DCST1: variants seen among roughly 807,000 people sequenced by gnomAD.
DCST1 encodes DC-STAMP domain containing 1, also known as E3 ubiquitin-protein ligase DCST1.
DCST1 carries 78 observed loss-of-function variants against 89.1 expected under a neutral mutation model. The ratio of observed to expected loss-of-function variants is 0.88; its 90% CI spans 0.73 to 1.06. The LOEUF is 1.06. Ranked by LOEUF, DCST1 falls within the 50% of genes least tolerant of loss-of-function variation. The probability of loss-of-function intolerance (pLI) is 0.00; values close to 1 mark genes in which losing one functional copy is unlikely to be tolerated. For missense variants in DCST1, 900 were observed against 928.6 expected (o/e 0.97, Z 0.40); for synonymous variants, 364 against 371.9 (o/e 0.98, Z 0.24).
intron 16 of DCST1, 100 bp downstream of exon 16, chr1:155,048,270 C>T (rs1431487235): frequency 1.5e-5 from 14 of 908,734 alleles, no homozygotes; most frequent in East Asian, 1.5e-4. Flanking sequence ...CACCAATGGT[C>T]GCAGGCCTAC....
At chr1:155,048,579 C>T (rs1201445037) in intron 16 of DCST1, among the ~76,000 whole-genome samples, 5 of 152,124 alleles carry the variant, frequency 3.3e-5, no homozygotes, top group Non-Finnish European at 2.9e-5. Context: ...GGATTACAGG[C>T]GTGAGCCACC....
At chr1:155,036,960 C>A (rs989405428) in intron 4 of DCST1, among the ~76,000 whole-genome samples, 9 of 152,254 alleles carry the variant, frequency 5.9e-5, no homozygotes, top group African/African-American at 2.2e-4. Context: ...TGGGGTCTCG[C>A]TATATTGCCC....
chr1:155,043,218 G>A (rs1660487737), intron 9 of DCST1, 134 bp from the exon 10 acceptor site: 4 of 1,291,408 alleles, frequency 3.1e-6, no homozygotes, highest in Admixed American at 2.1e-5. Flanking sequence ...GCAGAAGGAA[G>A]TGACAACTCC....
At chr1:155,040,930 C>T (rs1374046272) in intron 6 of DCST1, among the ~76,000 whole-genome samples, 1 of 151,780 alleles carries the variant, frequency 6.6e-6, no homozygotes, top group Non-Finnish European at 1.5e-5. Context: ...TCAGAAGTTT[C>T]GAAGACAAGA....
At chr1:155,049,352 G>T in intron 16 of DCST1, 1 of 372,120 alleles carries the variant, frequency 2.7e-6, no homozygotes. Flanking sequence ...CCAAGCATCA[G>T]TTTTCTCACC....
At position 155,050,721 on chromosome 1, in the gene DCST1, C is replaced by T. The variant is rs1272572291; in HGVS notation, c.1974C>T (p.Tyr658=). ...VCQAPETPES[Y]VCRTLDCEAV... The stretch of plus-strand genomic sequence containing the variant: ...AGGCACCCGAGACGCCCGAGTCCTA[C>T]GTGTGCCGGACGCTGGACTGCGAGG... The change falls in exon 17 of 17, where the codon TAC becomes TAT. Residue 658 remains tyrosine (Y), a synonymous_variant. Transcript: ENST00000295542. 3.1e-6 allele frequency: 5 copies of T among 1,609,736 alleles called. No homozygotes were observed. The highest frequency in any genetic ancestry group is 4.2e-6 in the Non-Finnish European group (5 of 1,178,500).
intron 16 of DCST1, among the ~76,000 whole-genome samples, chr1:155,048,670 C>T (rs939477283): frequency 1.1e-4 from 16 of 152,140 alleles, no homozygotes; most frequent in South Asian, 1.0e-3. Context: ...CAGGGCTGTG[C>T]CCGTTTCTGA....
intron 4 of DCST1, among the ~76,000 whole-genome samples, chr1:155,036,602 C>T (rs966735963): frequency 6.6e-6 from 1 of 152,212 alleles, no homozygotes; most frequent in Non-Finnish European, 1.5e-5. Flanking sequence ...CTTTCTGGTT[C>T]TTCTGATGTC....
chr1:155,050,653 C>T lies in DCST1; in HGVS notation c.1906C>T (p.Pro636Ser), dbSNP rs1660901013. 1 of 1,597,206 alleles carries T rather than the reference C, an allele frequency of 6.3e-7. No homozygotes were observed. Among genetic ancestry groups the T allele is most frequent in the African/African-American group, 1.3e-5 (1 of 74,628 alleles). The change falls in exon 17 of 17, where the codon CCG (proline) becomes TCG (serine). Residue 636 changes from proline (P) to serine (S), a missense_variant. Coordinates refer to ENST00000295542, the MANE Select transcript of DCST1 (RefSeq NM_152494.4). The part of the protein sequence containing the change: ...PLADILHRGC[P>S]LLRRWLCRRC... Reference sequence around the variant, plus strand: ...GGCGGATATCCTGCACCGCGGCTGCCCGCTCCTGCGCCGCTGGCTGTGCCG... The same window carrying T: ...GGCGGATATCCTGCACCGCGGCTGCTCGCTCCTGCGCCGCTGGCTGTGCCG...
At chr1:155,042,686 C>G in intron 8 of DCST1, 49 bp from the exon 9 acceptor site, 1 of 1,612,354 alleles carries the variant, frequency 6.2e-7, no homozygotes, top group Middle Eastern at 1.9e-4. Context: ...AGGCCTGCAC[C>G]TGGAGGACAG....
At chr1:155,049,498 TCCA>T (rs1322854773) in intron 16 of DCST1, among the ~76,000 whole-genome samples, 1 of 151,244 alleles carries the variant, frequency 6.6e-6, no homozygotes, top group East Asian at 2.0e-4. Flanking sequence ...CACTGCAACC[TCCA>T]CCTCCCCAGT....
rs1171891377 is a variant in DCST1, at chr1:155,040,557, TCAA to T, written c.470_472del (p.Asn157del). The T allele has an allele frequency of 3.8e-6, 6 of 1,592,546 alleles. No homozygotes were observed. In the African/African-American group the frequency reaches 6.7e-5, roughly 18 times the overall value. ...CTGGGCTGCACCGTGGAGCTGCAGATCAACAACACCCGCGCAGCTTGGCGCATC... is the reference window on the plus strand; with the variant it reads ...CTGGGCTGCACCGTGGAGCTGCAGATCAACACCCGCGCAGCTTGGCGCATC... On this transcript the variant is annotated inframe_deletion, in exon 6 of 17. Coordinates refer to ENST00000295542, the MANE Select transcript of DCST1 (RefSeq NM_152494.4).
intron 11 of DCST1, 30 bp downstream of exon 11, chr1:155,046,022 C>A (rs1299974534): frequency 1.2e-6 from 2 of 1,613,298 alleles, no homozygotes; most frequent in Non-Finnish European, 1.7e-6. Context: ...CCCGGGGATG[C>A]CTTGCTGCTG....
chr1:155,042,694 C>A, intron 8 of DCST1, 41 bp from the exon 9 acceptor site: 1 of 1,612,862 alleles, frequency 6.2e-7, no homozygotes, highest in Non-Finnish European at 8.5e-7. Flanking sequence ...ACCTGGAGGA[C>A]AGGCCCGGGG....
At chr1:155,039,159 T>G (rs1056928016) in intron 4 of DCST1, among the ~76,000 whole-genome samples, 11 of 152,164 alleles carry the variant, frequency 7.2e-5, no homozygotes, top group African/African-American at 2.7e-4. Flanking sequence ...TCATTTGTGG[T>G]TTTTTAAGTT....
In DCST1 at chr1:155,048,081, C is replaced by T. The variant is rs1381186922; in HGVS notation, c.1780C>T (p.Leu594Phe). The T allele has an allele frequency of 2.0e-5, 32 of 1,614,056 alleles. No homozygotes were observed. Among genetic ancestry groups the T allele is most frequent in the Non-Finnish European group, 2.5e-5 (30 of 1,179,998 alleles). The change falls in exon 16 of 17, where the codon CTC (leucine) becomes TTC (phenylalanine). Residue 594 changes from leucine to phenylalanine, a missense_variant. Physicochemically the swap from Leu to Phe is conservative, Grantham distance 22. Transcript: ENST00000295542. ...PKREKKRILF[L>F]YNDLLKKRAA... ...GCGAGAGAAGAAGCGGATCCTGTTC[C>T]TCTACAATGACCTATTGAAGAAAAG...
chr1:155,040,569 G>A lies in DCST1; in HGVS notation c.476G>A (p.Arg159His), dbSNP rs144640417. Residue 159 changes from arginine to histidine, a missense_variant, in exon 6 of 17, where the codon CGC (arginine) becomes CAC (histidine). By Grantham distance (29) the Arg-to-His change is conservative (BLOSUM62 0). Coordinates refer to ENST00000295542, the MANE Select transcript of DCST1 (RefSeq NM_152494.4). ...CTVELQINNT[R>H]AAWRISTAPL... ...GTGGAGCTGCAGATCAACAACACCC[G>A]CGCAGCTTGGCGCATCTCCACAGCC... is the stretch of plus-strand genomic sequence containing the variant. The A allele has an allele frequency of 1.4e-5, 23 of 1,586,756 alleles. No individual in the cohort carries two copies. The highest frequency in any genetic ancestry group is 5.4e-5 in the African/African-American group (4 of 74,410).
intron 16 of DCST1, 83 bp downstream of exon 16, chr1:155,048,253 C>T: frequency 9.2e-7 from 1 of 1,085,656 alleles, no homozygotes; most frequent in Non-Finnish European, 1.4e-6. Flanking sequence ...TCAGTCCACC[C>T]AGCACCCACC....
chr1:155,047,702 C>T, intron 14 of DCST1, 85 bp from the exon 15 acceptor site: 1 of 1,250,480 alleles, frequency 8.0e-7, no homozygotes, highest in East Asian at 2.4e-5. Context: ...AGGACTGCAC[C>T]TCCCACTGGG....
Sources: gnomAD v4.1 joint callset for allele counts (sites outside exome capture counted in the v4.1 genomes callset) on GRCh38, gnomAD v4.1.1 for gene constraint, MANE v1.5 for transcripts, NCBI Gene and HGNC (gene_info 2026-07-23, HGNC 2026-07-21) for gene names.